The following AIG1 variants were observed in gnomAD, a reference collection of about 807,000 sequenced individuals.
AIG1 encodes androgen induced 1, also known as androgen-induced gene 1 protein.
AIG1 carries 23 observed loss-of-function variants against 31.4 expected under a neutral mutation model. That is an observed-to-expected ratio of 0.73 (90% confidence interval 0.53 to 1.04). The LOEUF (loss-of-function observed/expected upper bound fraction) is 1.04. Ranked by LOEUF, AIG1 falls within the 50% of genes least tolerant of loss-of-function variation. The probability of loss-of-function intolerance (pLI) is 0.00; values close to 1 mark genes in which losing one functional copy is unlikely to be tolerated. For synonymous variants in AIG1, 100 were observed against 110.5 expected (o/e 0.90, Z 0.60); for missense variants, 274 against 295.0 (o/e 0.93, Z 0.52).
chr6:143,165,228 T>A (rs1212429332), intron 3 of AIG1, 45 bp downstream of exon 3: 2 of 1,457,304 alleles, frequency 1.4e-6, no homozygotes, highest in African/African-American at 2.8e-5. Flanking sequence ...TTAAAAAATC[T>A]ATTAAATAGC....
At chr6:143,174,599 T>A (rs1787959699) in intron 3 of AIG1, among the ~76,000 whole-genome samples, 1 of 152,184 alleles carries the variant, frequency 6.6e-6, no homozygotes, top group Non-Finnish European at 1.5e-5. Flanking sequence ...TCTTTGTGTG[T>A]CAGGTGAGTC....
intron 1 of AIG1, among the ~76,000 whole-genome samples, chr6:143,102,092 G>T (rs954278777): frequency 6.6e-6 from 1 of 151,978 alleles, no homozygotes; most frequent in African/African-American, 2.4e-5. Flanking sequence ...GATGTTTTTT[G>T]CTGTTGTAGA....
At chr6:143,232,482 C>T (rs1793510312) in intron 3 of AIG1, among the ~76,000 whole-genome samples, 1 of 152,174 alleles carries the variant, frequency 6.6e-6, no homozygotes, top group African/African-American at 2.4e-5. Context: ...CCAGCTGTCC[C>T]TGATTGTAAG....
chr6:143,280,415 T>C lies in AIG1; in HGVS notation c.400-3695T>C, dbSNP rs1583718434. On this transcript the variant is annotated intron_variant, in intron 3 of 5. Transcript: ENST00000357847. This position sits in a 1 kb window ranked among gnomAD's most constrained non-coding sequence, Gnocchi z 4.1. The stretch of plus-strand genomic sequence containing the variant: ...GAAATCATTCTACCATAAAGATATA[T>C]GTGCACAAATGTTCATTGCAGCACC... Among the ~76,000 whole-genome samples, 1 of 152,298 alleles carries C rather than the reference T, an allele frequency of 6.6e-6. No homozygotes were observed. The highest frequency in any genetic ancestry group is 1.5e-5 in the Non-Finnish European group (1 of 68,030).
chr6:143,181,757 C>G (rs1299333639), intron 3 of AIG1, among the ~76,000 whole-genome samples: 1 of 151,046 alleles, frequency 6.6e-6, no homozygotes, highest in East Asian at 1.9e-4. Flanking sequence ...CAGGGAGAGA[C>G]CAGGATGGAG....
chr6:143,253,534 G>A (rs917041216), intron 3 of AIG1, among the ~76,000 whole-genome samples: 7 of 152,028 alleles, frequency 4.6e-5, no homozygotes, highest in Non-Finnish European at 8.8e-5. Context: ...TTATACCTCC[G>A]CCATCAGTAA....
intron 1 of AIG1, among the ~76,000 whole-genome samples, chr6:143,084,584 C>T (rs774257346): frequency 7.9e-5 from 12 of 152,206 alleles, no homozygotes; most frequent in South Asian, 2.1e-4. Context: ...AGGCCTAAGG[C>T]GGACTTTTGA....
intron 3 of AIG1, chr6:143,189,737 A>G: frequency 4.1e-6 from 4 of 985,320 alleles, no homozygotes; most frequent in Non-Finnish European, 4.8e-6. Flanking sequence ...CCTCATCCCT[A>G]ATTTAGAGCC....
At chr6:143,142,457 C>T (rs1026430111) in intron 2 of AIG1, among the ~76,000 whole-genome samples, 1 of 152,210 alleles carries the variant, frequency 6.6e-6, no homozygotes, top group African/African-American at 2.4e-5. Context: ...AATCTAACCT[C>T]ATAACCTCAC....
At chr6:143,264,869 C>T (rs771843696) in intron 3 of AIG1, among the ~76,000 whole-genome samples, 2 of 152,160 alleles carry the variant, frequency 1.3e-5, no homozygotes, top group Non-Finnish European at 2.9e-5. Flanking sequence ...GAGAAGGATG[C>T]GTTTTCCTTT....
At chr6:143,162,472 G>A (rs1372486875) in intron 2 of AIG1, among the ~76,000 whole-genome samples, 1 of 152,220 alleles carries the variant, frequency 6.6e-6, no homozygotes, top group Non-Finnish European at 1.5e-5. Flanking sequence ...CACAGTGGGA[G>A]CCTATGATAA....
intron 3 of AIG1, among the ~76,000 whole-genome samples, chr6:143,234,053 C>T (rs115182962): frequency 2.1e-3 from 321 of 152,300 alleles, no homozygotes; most frequent in African/African-American, 7.2e-3. Context: ...TCTCTGGCAT[C>T]TGTCCATGGT....
At chr6:143,091,527 C>A (rs1399145345) in intron 1 of AIG1, among the ~76,000 whole-genome samples, 4 of 152,084 alleles carry the variant, frequency 2.6e-5, no homozygotes, top group Non-Finnish European at 5.9e-5. Flanking sequence ...AAATCACAAT[C>A]CTTGCTGACA....
chr6:143,061,350 G>A, intron 1 of AIG1: 1 of 564,930 alleles, frequency 1.8e-6, no homozygotes. Flanking sequence ...GGGCTCTTTG[G>A]AGGGGGACAC....
At chr6:143,079,809 C>A (rs1583094409) in intron 1 of AIG1, among the ~76,000 whole-genome samples, 1 of 113,184 alleles carries the variant, frequency 8.8e-6, no homozygotes. Flanking sequence ...TTTGCAGTTG[C>A]AAGATTTAAT....
intron 1 of AIG1, among the ~76,000 whole-genome samples, chr6:143,097,737 C>CATTTGG (rs994279451): frequency 6.6e-6 from 1 of 152,168 alleles, no homozygotes; most frequent in African/African-American, 2.4e-5. Flanking sequence ...TCATATTAGC[C>CATTTGG]AAAGGGCATG....
chr6:143,329,144 G>A lies in AIG1; in HGVS notation c.516-4138G>A, dbSNP rs1776866113. Among the ~76,000 whole-genome samples, 3 of 152,200 alleles carry A rather than the reference G, an allele frequency of 2.0e-5. No homozygotes were observed. The highest frequency in any genetic ancestry group is 7.2e-5 in the African/African-American group (3 of 41,442). ...AGGATTTCTTTATCTGAGATGGTTT[G>A]ATGACCTAACAAGTTAAGAAAACCA... On this transcript the variant is annotated intron_variant, in intron 4 of 5. Coordinates refer to ENST00000357847, the MANE Select transcript of AIG1 (RefSeq NM_016108.4). This position sits in a 1 kb window ranked among gnomAD's most constrained non-coding sequence, Gnocchi z 4.9.
At chr6:143,079,308 TCTC>T (rs916619528) in intron 1 of AIG1, among the ~76,000 whole-genome samples, 5 of 152,128 alleles carry the variant, frequency 3.3e-5, no homozygotes, top group African/African-American at 1.2e-4. Flanking sequence ...AGAAGGGGCT[TCTC>T]CTGGAGTTTT....
intron 3 of AIG1, among the ~76,000 whole-genome samples, chr6:143,247,372 C>T (rs963764117): frequency 2.0e-5 from 3 of 152,222 alleles, no homozygotes; most frequent in Non-Finnish European, 4.4e-5. Context: ...CCTCATAATC[C>T]ACCCGCCTCA....
Sources: gnomAD v4.1 joint callset for allele counts (sites outside exome capture counted in the v4.1 genomes callset) on GRCh38, gnomAD v4.1.1 for gene constraint, Gnocchi (gnomAD v3.1) non-coding constraint, MANE v1.5 for transcripts, NCBI Gene and HGNC (gene_info 2026-07-23, HGNC 2026-07-21) for gene names.